R3HDM1: variants seen among roughly 807,000 people sequenced by gnomAD.
R3HDM1 encodes R3H domain-containing protein 1.
In R3HDM1, 46 loss-of-function variants were observed where a neutral mutation model predicts 141.1. The observed-to-expected ratio is 0.33, with a 90% confidence interval of 0.26 to 0.42. The LOEUF is 0.42. Ranked by LOEUF, R3HDM1 falls within the 10% of genes least tolerant of loss-of-function variation. The probability of loss-of-function intolerance (pLI) is 1.00; values close to 1 mark genes in which losing one functional copy is unlikely to be tolerated. For synonymous variants in R3HDM1, 435 were observed against 472.9 expected (o/e 0.92, Z 1.04); for missense variants, 1,184 against 1,368.3 (o/e 0.87, Z 2.12).
rs533354462 is a variant in R3HDM1 at position 135,566,808 on chromosome 2, T to C, written c.-250+35175T>C. On this transcript the variant is annotated intron_variant, in intron 1 of 26. Transcript: ENST00000683871. ...TGTAATCATGGTGAAACCCCGTCTCTACAAAAATACGAAAATTAGCCAGCA... is the reference window on the plus strand; with the variant it reads ...TGTAATCATGGTGAAACCCCGTCTCCACAAAAATACGAAAATTAGCCAGCA... The C allele has an allele frequency of 5.1e-6, 5 of 978,194 alleles. No homozygotes were observed. In the South Asian group the frequency reaches 1.9e-4, roughly 37 times the overall value. The allele number at this position is 978,194 out of a possible 1,614,324, so 60.6% of individuals were successfully genotyped here. A position where few individuals can be genotyped will look rare whatever the true frequency, so the allele number is the denominator to read the frequency against.
chr2:135,578,862 T>C (rs1238181106), intron 1 of R3HDM1, among the ~76,000 whole-genome samples: 1 of 152,174 alleles, frequency 6.6e-6, no homozygotes, highest in Non-Finnish European at 1.5e-5. Context: ...AGTTACAGAT[T>C]AAGATAGTAG....
At chr2:135,532,722 CTAAG>C (rs1338138319) in intron 1 of R3HDM1, among the ~76,000 whole-genome samples, 1 of 152,136 alleles carries the variant, frequency 6.6e-6, no homozygotes, top group South Asian at 2.1e-4. Context: ...ACAAGATCTT[CTAAG>C]TAATAGGATA....
chr2:135,546,160 A>G (rs892666764), intron 1 of R3HDM1, among the ~76,000 whole-genome samples: 3 of 152,238 alleles, frequency 2.0e-5, no homozygotes, highest in African/African-American at 7.2e-5. Context: ...GTTTGTCTCC[A>G]CATTGTATTT....
In R3HDM1 at chr2:135,687,730, G is replaced by A. The variant is rs115446589; in HGVS notation, c.2459+7406G>A. 3.4e-3 allele frequency among the ~76,000 whole-genome samples: 512 copies of A among 152,218 alleles called. 4 individuals carry two copies. The highest frequency in any genetic ancestry group is 0.012 in the African/African-American group (490 of 41,534). ...TGTTTTCTGTGTAACATGAATCTAC[G>A]TCATTGTTCTTTTCTGGCTCGTCAA... On this transcript the variant is annotated intron_variant, in intron 21 of 26. Coordinates refer to ENST00000683871, the MANE Select transcript of R3HDM1 (RefSeq NM_001378107.1).
chr2:135,625,168 G>A (rs1007021485), intron 7 of R3HDM1, among the ~76,000 whole-genome samples: 3 of 152,154 alleles, frequency 2.0e-5, no homozygotes, highest in African/African-American at 7.2e-5. Flanking sequence ...ATAACAGAGG[G>A]GCCCTGCACA....
At chr2:135,659,371 C>G (rs6755383) in intron 18 of R3HDM1, among the ~76,000 whole-genome samples, 1 of 151,720 alleles carries the variant, frequency 6.6e-6, no homozygotes, top group Non-Finnish European at 1.5e-5. Context: ...GTGCTAGGAT[C>G]ACAGGTGTGA....
chr2:135,622,248 T>G, intron 6 of R3HDM1: 8 of 983,320 alleles, frequency 8.1e-6, no homozygotes, highest in Non-Finnish European at 9.7e-6. Flanking sequence ...TTGCCTCCAT[T>G]ATATTCATAT....
chr2:135,652,154 A>G (rs531351132), intron 18 of R3HDM1, 122 bp downstream of exon 18: 8 of 1,366,890 alleles, frequency 5.9e-6, no homozygotes, highest in African/African-American at 4.4e-5. Flanking sequence ...TAAACAAAGC[A>G]TATACTCATC....
chr2:135,630,429 TAA>T (rs1003914511), intron 7 of R3HDM1, among the ~76,000 whole-genome samples: 17 of 152,068 alleles, frequency 1.1e-4, no homozygotes, highest in African/African-American at 3.4e-4. Context: ...AATATTGCTA[TAA>T]ATTTTGTTAA....
intron 24 of R3HDM1, among the ~76,000 whole-genome samples, chr2:135,717,078 A>C (rs1465606028): frequency 6.6e-6 from 1 of 152,226 alleles, no homozygotes; most frequent in African/African-American, 2.4e-5. Context: ...AAGCCCTTGA[A>C]AAGATATTTA....
chr2:135,710,980 T>A (rs1221255137), intron 23 of R3HDM1, among the ~76,000 whole-genome samples: 1 of 152,228 alleles, frequency 6.6e-6, no homozygotes, highest in African/African-American at 2.4e-5. Flanking sequence ...AAAAAAATTT[T>A]GAGAGGTATT....
intron 18 of R3HDM1, among the ~76,000 whole-genome samples, chr2:135,654,231 C>A (rs189250985): frequency 1.3e-5 from 2 of 151,872 alleles, no homozygotes; most frequent in Admixed American, 1.3e-4. Context: ...AACATGTTAC[C>A]TTTTGTGTCT....
intron 21 of R3HDM1, among the ~76,000 whole-genome samples, chr2:135,701,037 GA>G (rs992612716): frequency 7.9e-5 from 12 of 152,000 alleles, no homozygotes; most frequent in Admixed American, 2.6e-4. Context: ...ACTAATGATA[GA>G]ACAATGATAA....
chr2:135,667,995 T>C (rs954656065), intron 19 of R3HDM1, among the ~76,000 whole-genome samples: 3 of 152,228 alleles, frequency 2.0e-5, no homozygotes, highest in Non-Finnish European at 4.4e-5. Context: ...AAGATGTAAA[T>C]TTTATTAAGC....
chr2:135,624,454 C>A (rs1024991020), intron 7 of R3HDM1, among the ~76,000 whole-genome samples: 1 of 151,016 alleles, frequency 6.6e-6, no homozygotes, highest in Non-Finnish European at 1.5e-5. Context: ...GAAGCATAGG[C>A]CATATCCAAC....
intron 20 of R3HDM1, among the ~76,000 whole-genome samples, chr2:135,679,072 T>C (rs1223864260): frequency 1.4e-5 from 2 of 139,846 alleles, no homozygotes; most frequent in Non-Finnish European, 3.1e-5. Flanking sequence ...CTTTCTTTTT[T>C]TTTTTTTTTT....
chr2:135,674,217 A>G (rs2068805177), intron 19 of R3HDM1, among the ~76,000 whole-genome samples: 1 of 152,254 alleles, frequency 6.6e-6, no homozygotes, highest in African/African-American at 2.4e-5. Context: ...AACTACAGTG[A>G]TGCTGCTGTC....
chr2:135,542,470 C>T (rs1697806906), intron 1 of R3HDM1, among the ~76,000 whole-genome samples: 1 of 152,074 alleles, frequency 6.6e-6, no homozygotes. Context: ...TTTTCTCATT[C>T]TCCTTTTGTT....
intron 3 of R3HDM1, among the ~76,000 whole-genome samples, chr2:135,614,419 C>A (rs528730923): frequency 6.6e-6 from 1 of 152,254 alleles, no homozygotes; most frequent in Admixed American, 6.5e-5. Context: ...TAATCGATTA[C>A]ATTTATGACA....
Sources: gnomAD v4.1 joint callset for allele counts (sites outside exome capture counted in the v4.1 genomes callset) on GRCh38, gnomAD v4.1.1 for gene constraint, MANE v1.5 for transcripts, NCBI Gene and HGNC (gene_info 2026-07-23, HGNC 2026-07-21) for gene names.